SLIT3: variants seen among roughly 807,000 people sequenced by gnomAD.
SLIT3 encodes slit guidance ligand 3.
Under a neutral mutation model 184.0 loss-of-function variants are expected in SLIT3, and 68 were observed. That is an observed-to-expected ratio of 0.37 (90% CI 0.30 to 0.45). SLIT3 has a LOEUF of 0.45. SLIT3 is among the 20% of genes least tolerant of loss of function. The pLI, the probability that SLIT3 is intolerant of heterozygous loss-of-function variation, is 1.00. For synonymous variants in SLIT3, 831 were observed against 828.6 expected, an observed-to-expected ratio of 1.00 and a Z score of -0.05; for missense variants, 1,707 against 2,026.0, an observed-to-expected ratio of 0.84 and a Z score of 3.02.
intron 4 of SLIT3, among the ~76,000 whole-genome samples, chr5:168,926,751 T>C (rs1213558922): frequency 2.0e-5 from 3 of 151,004 alleles, no homozygotes; most frequent in Non-Finnish European, 4.4e-5. Context: ...GAAGAAGACA[T>C]ACAAATGGTC....
intron 4 of SLIT3, among the ~76,000 whole-genome samples, chr5:169,006,599 TCTCTCTCA>T (rs1755938459): frequency 1.3e-5 from 2 of 149,136 alleles, no homozygotes; most frequent in East Asian, 2.0e-4. Context: ...TCTCTCTCTC[TCTCTCTCA>T]CACACACACA....
chr5:169,015,906 T>C (rs1003134839), intron 4 of SLIT3, among the ~76,000 whole-genome samples: 1 of 140,604 alleles, frequency 7.1e-6, no homozygotes, highest in African/African-American at 2.7e-5. Context: ...GCTGATAGAA[T>C]GAGATTCTGA....
rs114715117 is a variant in SLIT3 at position 168,754,456 on chromosome 5, C to T, written c.1686-449G>A. On this transcript the variant is annotated intron_variant, in intron 16 of 35. Transcript: ENST00000519560. ...AAAAAGTTGATCTCATGGAGGGAGA[C>T]AGTAGAAGGATGGTTACCAGAGGCT... Among the ~76,000 whole-genome samples, 826 of 152,058 alleles carry T rather than the reference C, an allele frequency of 5.4e-3. 10 individuals carry two copies. The highest frequency in any genetic ancestry group is 0.019 in the African/African-American group (780 of 41,482).
intron 23 of SLIT3, among the ~76,000 whole-genome samples, chr5:168,719,311 C>T (rs1405105479): frequency 1.3e-5 from 2 of 152,222 alleles, no homozygotes; most frequent in South Asian, 2.1e-4. Context: ...CTTGGCCTCC[C>T]GAAGTGCTGG....
At chr5:169,103,540 T>C (rs1002101928) in intron 4 of SLIT3, among the ~76,000 whole-genome samples, 1 of 152,198 alleles carries the variant, frequency 6.6e-6, no homozygotes. Flanking sequence ...GCTGAGGCTT[T>C]TCTCCTTCTG....
chr5:169,047,419 A>G (rs1251230731), intron 4 of SLIT3, among the ~76,000 whole-genome samples: 1 of 152,120 alleles, frequency 6.6e-6, no homozygotes, highest in Non-Finnish European at 1.5e-5. Context: ...CTGTCCTAAC[A>G]CAGGCCCTTA....
intron 3 of SLIT3, 109 bp from the exon 4 acceptor site, chr5:169,193,659 C>T: frequency 2.4e-6 from 2 of 826,056 alleles, no homozygotes; most frequent in Non-Finnish European, 4.3e-6. Flanking sequence ...CATTAAGAGA[C>T]TCTCTACGTC....
At chr5:168,678,622 G>T (rs1761486563) in intron 32 of SLIT3, among the ~76,000 whole-genome samples, 1 of 152,118 alleles carries the variant, frequency 6.6e-6, no homozygotes, top group African/African-American at 2.4e-5. Context: ...GGTGGAGGTT[G>T]CAGTGAGCCA....
chr5:168,995,245 C>G (rs913228967), intron 4 of SLIT3, among the ~76,000 whole-genome samples: 3 of 152,184 alleles, frequency 2.0e-5, no homozygotes, highest in Non-Finnish European at 4.4e-5. Context: ...ATACTCACAG[C>G]AGAAGAATGT....
intron 20 of SLIT3, among the ~76,000 whole-genome samples, chr5:168,735,128 G>A (rs951058717): frequency 2.0e-5 from 3 of 152,124 alleles, no homozygotes; most frequent in East Asian, 1.9e-4. Context: ...TAGAACTGCC[G>A]GAGTGTTTCT....
At chr5:169,231,305 C>G (rs1209070946) in intron 3 of SLIT3, among the ~76,000 whole-genome samples, 2 of 152,196 alleles carry the variant, frequency 1.3e-5, no homozygotes, top group African/African-American at 4.8e-5. Flanking sequence ...CATGAAACCT[C>G]TACCCAGATC....
At chr5:168,856,832 G>A (rs149987044) in intron 5 of SLIT3, among the ~76,000 whole-genome samples, 1 of 148,172 alleles carries the variant, frequency 6.7e-6, no homozygotes, top group Non-Finnish European at 1.5e-5. Flanking sequence ...CCTTTGTTCA[G>A]ACTGGTTCTC....
chr5:169,223,774 A>C (rs1267585159), intron 3 of SLIT3, among the ~76,000 whole-genome samples: 1 of 152,252 alleles, frequency 6.6e-6, no homozygotes, highest in African/African-American at 2.4e-5. Flanking sequence ...AAACAAAACC[A>C]GCAAAGAGAT....
chr5:169,193,399 G>C, intron 4 of SLIT3, 80 bp downstream of exon 4: 1 of 1,199,520 alleles, frequency 8.3e-7, no homozygotes, highest in Non-Finnish European at 1.2e-6. Flanking sequence ...CACACGGCAC[G>C]GCGCTCCACA....
intron 4 of SLIT3, among the ~76,000 whole-genome samples, chr5:169,106,185 AC>A (rs1760200309): frequency 6.6e-6 from 1 of 152,192 alleles, no homozygotes; most frequent in East Asian, 1.9e-4. Flanking sequence ...CACATCCTGC[AC>A]CTGAACCCGG....
chr5:168,862,185 A>G (rs1464495645), intron 5 of SLIT3, among the ~76,000 whole-genome samples: 1 of 152,206 alleles, frequency 6.6e-6, no homozygotes, highest in Non-Finnish European at 1.5e-5. Flanking sequence ...CATAAGAATG[A>G]TACGTTGGAC....
At chr5:168,837,378 T>C (rs1476950249) in intron 6 of SLIT3, among the ~76,000 whole-genome samples, 1 of 152,212 alleles carries the variant, frequency 6.6e-6, no homozygotes, top group Non-Finnish European at 1.5e-5. Flanking sequence ...AAAATGAGTC[T>C]AGTCTCTGCT....
At chr5:168,794,856 G>T (rs4867935) in intron 10 of SLIT3, among the ~76,000 whole-genome samples, 69,252 of 151,894 alleles carry the variant, frequency 0.46, 15,951 homozygotes, top group Middle Eastern at 0.57. Flanking sequence ...TGAGAGCTCA[G>T]GGCTCCCTTC....
At chr5:168,810,439 T>C (rs1430717915) in intron 8 of SLIT3, among the ~76,000 whole-genome samples, 1 of 152,172 alleles carries the variant, frequency 6.6e-6, no homozygotes, top group African/African-American at 2.4e-5. Context: ...TAAGATGTTT[T>C]GATTAGGAGC....
Sources: allele counts gnomAD v4.1 joint callset (sites outside exome capture counted in the v4.1 genomes callset), GRCh38; gene constraint gnomAD v4.1.1; transcripts MANE v1.5; gene names NCBI Gene and HGNC (gene_info 2026-07-23, HGNC 2026-07-21).